NEK11: variants seen among roughly 807,000 people sequenced by gnomAD.
NEK11 encodes the protein NIMA related kinase 11.
Under a neutral mutation model 80.7 loss-of-function variants are expected in NEK11, and 72 were observed. The ratio of observed to expected loss-of-function variants is 0.89; its 90% CI spans 0.74 to 1.08. The LOEUF is 1.08. NEK11 is among the 50% of genes least tolerant of loss of function. NEK11 has a pLI of 0.00. For missense variants in NEK11, 764 were observed against 763.6 expected (o/e 1.00, Z -0.01); for synonymous variants, 251 against 260.7 (o/e 0.96, Z 0.36).
At chr3:131,126,286 T>C (rs1270844219) in intron 5 of NEK11, among the ~76,000 whole-genome samples, 2 of 152,240 alleles carry the variant, frequency 1.3e-5, no homozygotes, top group Non-Finnish European at 2.9e-5. Flanking sequence ...TCACCACTTC[T>C]TCTTCCACCC....
intron 15 of NEK11, among the ~76,000 whole-genome samples, chr3:131,235,580 A>T (rs1270236368): frequency 3.3e-5 from 5 of 152,116 alleles, no homozygotes; most frequent in Non-Finnish European, 4.4e-5. Flanking sequence ...GTTCCCACAT[A>T]ACCTGGTAAT....
intron 17 of NEK11, among the ~76,000 whole-genome samples, chr3:131,333,567 C>A (rs1200686466): frequency 6.6e-6 from 1 of 152,128 alleles, no homozygotes; most frequent in African/African-American, 2.4e-5. Context: ...AACTAACGAG[C>A]AAAATCACCA....
At chr3:131,163,934 T>A (rs2091934161) in intron 11 of NEK11, among the ~76,000 whole-genome samples, 1 of 152,212 alleles carries the variant, frequency 6.6e-6, no homozygotes, top group South Asian at 2.1e-4. Context: ...TTATTTTTTC[T>A]TCCTCTGCCA....
At chr3:131,105,062 T>A (rs1006778544) in intron 4 of NEK11, among the ~76,000 whole-genome samples, 1 of 152,230 alleles carries the variant, frequency 6.6e-6, no homozygotes, top group Non-Finnish European at 1.5e-5. Context: ...AGATCTAGTG[T>A]TTACTTGCAG....
intron 3 of NEK11, among the ~76,000 whole-genome samples, chr3:131,070,616 G>A (rs575882048): frequency 9.2e-5 from 14 of 152,170 alleles, no homozygotes; most frequent in Non-Finnish European, 1.3e-4. Flanking sequence ...CAATCACAAC[G>A]ACAAGTTGTT....
chr3:131,267,207 A>C (rs1327611044), intron 16 of NEK11, among the ~76,000 whole-genome samples: 1 of 152,170 alleles, frequency 6.6e-6, no homozygotes, highest in Non-Finnish European at 1.5e-5. Flanking sequence ...TAATATTGTT[A>C]TGTGTGAATT....
In NEK11 at chr3:131,160,243, T is replaced by C. The variant is rs536875370; in HGVS notation, c.963-2165T>C. Among the ~76,000 whole-genome samples, 123 of 152,266 alleles carry C rather than the reference T, an allele frequency of 8.1e-4. 1 individual carries two copies. Among genetic ancestry groups the C allele is most frequent in the Non-Finnish European group, 3.7e-4 (25 of 68,012 alleles). ...AACAGCAGATGTCTCAGCTGAAACC[T>C]TACAAGCCAGAAGAGATTGGGGGCC... On this transcript the variant is annotated intron_variant, in intron 10 of 17. Transcript: ENST00000383366.
intron 17 of NEK11, among the ~76,000 whole-genome samples, chr3:131,296,090 G>A (rs1023957087): frequency 4.6e-5 from 7 of 151,906 alleles, no homozygotes; most frequent in South Asian, 2.1e-4. Flanking sequence ...ATTCACCTGC[G>A]TTGGCCTCCC....
At chr3:131,228,068 CA>C (rs888312454) in intron 14 of NEK11, among the ~76,000 whole-genome samples, 36 of 151,850 alleles carry the variant, frequency 2.4e-4, no homozygotes, top group African/African-American at 8.0e-4. Context: ...TTGGTCCTAC[CA>C]GTAACATTTA....
At position 131,133,897 on chromosome 3, in the gene NEK11, C is replaced by G. The variant is rs1412456862; in HGVS notation, c.588C>G (p.Pro196=). The change falls in exon 7 of 18, where the codon CCC becomes CCG. Residue 196 remains proline (P), a synonymous_variant. Coordinates refer to ENST00000383366, the MANE Select transcript of NEK11 (RefSeq NM_024800.5). ...CDLATTLTGT[P]HYMSPEALKH... is the part of the protein sequence containing the mutation. Reference sequence around the variant, plus strand: ...TGGCCACAACTTTAACTGGAACTCCCCATTATATGAGTCCTGAGGCTCTGA... The same window carrying G: ...TGGCCACAACTTTAACTGGAACTCCGCATTATATGAGTCCTGAGGCTCTGA... 4 of 1,612,670 alleles carry G rather than the reference C, an allele frequency of 2.5e-6. No individual in the cohort carries two copies. The highest frequency in any genetic ancestry group is 3.4e-6 in the Non-Finnish European group (4 of 1,179,070).
chr3:131,089,063 C>T (rs2076383687), intron 4 of NEK11, among the ~76,000 whole-genome samples: 1 of 152,198 alleles, frequency 6.6e-6, no homozygotes, highest in South Asian at 2.1e-4. Context: ...TTCTCAAGTA[C>T]ATCTTTTGCC....
At chr3:131,308,873 G>C (rs2096749064) in intron 17 of NEK11, among the ~76,000 whole-genome samples, 2 of 152,156 alleles carry the variant, frequency 1.3e-5, no homozygotes, top group African/African-American at 4.8e-5. Context: ...GATGGTTTCA[G>C]GATGAAATTG....
intron 3 of NEK11, among the ~76,000 whole-genome samples, chr3:131,062,394 T>G (rs538904007): frequency 1.3e-5 from 2 of 152,348 alleles, no homozygotes; most frequent in South Asian, 4.1e-4. Context: ...TGCCCTCTCA[T>G]TACTGTAGCC....
At chr3:131,138,201 G>C (rs1182725759) in intron 7 of NEK11, among the ~76,000 whole-genome samples, 2 of 152,158 alleles carry the variant, frequency 1.3e-5, no homozygotes, top group East Asian at 3.9e-4. Context: ...TGAGTTCCAG[G>C]CCTGGTGGTA....
At chr3:131,067,972 C>T (rs76903010) in intron 3 of NEK11, among the ~76,000 whole-genome samples, 114 of 152,272 alleles carry the variant, frequency 7.5e-4, no homozygotes, top group African/African-American at 2.5e-3. Flanking sequence ...TCCACTCTTG[C>T]GGCCTCTCTG....
intron 4 of NEK11, among the ~76,000 whole-genome samples, chr3:131,085,586 C>T (rs544852757): frequency 6.6e-6 from 1 of 152,040 alleles, no homozygotes; most frequent in East Asian, 1.9e-4. Flanking sequence ...TATTTGAGTT[C>T]GCAGTACGGG....
chr3:131,348,723 G>A (rs578130331), intron 17 of NEK11, among the ~76,000 whole-genome samples: 23 of 150,818 alleles, frequency 1.5e-4, no homozygotes, highest in African/African-American at 5.4e-4. Flanking sequence ...TTGACATATG[G>A]ACAATCACTG....
intron 4 of NEK11, among the ~76,000 whole-genome samples, chr3:131,084,241 T>C (rs1405704299): frequency 1.3e-5 from 2 of 152,180 alleles, no homozygotes; most frequent in African/African-American, 4.8e-5. Flanking sequence ...GCATGTGGGA[T>C]TGATCTTTTT....
chr3:131,314,994 A>G (rs1181881773), intron 17 of NEK11, among the ~76,000 whole-genome samples: 1 of 152,162 alleles, frequency 6.6e-6, no homozygotes, highest in Non-Finnish European at 1.5e-5. Flanking sequence ...CTTCTTTTTT[A>G]TTGTACATAT....
Sources: gnomAD v4.1 joint callset for allele counts (sites outside exome capture counted in the v4.1 genomes callset) on GRCh38, gnomAD v4.1.1 for gene constraint, MANE v1.5 for transcripts, NCBI Gene and HGNC (gene_info 2026-07-23, HGNC 2026-07-21) for gene names.